The following DCLK3 variants were observed in gnomAD, a reference collection of about 807,000 sequenced individuals.
The protein encoded by DCLK3 is serine/threonine-protein kinase DCLK3.
Under a neutral mutation model 46.4 loss-of-function variants are expected in DCLK3, and 30 were observed. The ratio of observed to expected loss-of-function variants is 0.65; its 90% CI spans 0.48 to 0.88. The LOEUF is 0.88. Among genes scored for constraint, DCLK3 ranks in the 40% least tolerant of loss-of-function variants. DCLK3 has a pLI of 0.00. For missense variants in DCLK3, 846 were observed against 907.1 expected (o/e 0.93, Z 0.87); for synonymous variants, 401 against 339.2 (o/e 1.18, Z -2.00).
intron 2 of DCLK3, among the ~76,000 whole-genome samples, chr3:36,727,065 T>C (rs1353933410): frequency 1.3e-5 from 2 of 152,068 alleles, no homozygotes; most frequent in Admixed American, 6.6e-5. Context: ...TGTGGATCAC[T>C]TGAGGTCAGG....
intron 1 of DCLK3, 114 bp from the exon 2 acceptor site, chr3:36,739,198 G>A (rs1163364185): frequency 2.5e-6 from 1 of 396,562 alleles, no homozygotes; most frequent in Non-Finnish European, 4.4e-6. Flanking sequence ...TTATAAGTGT[G>A]GTTCCTGAGA....
chr3:36,745,923 G>A (rs148424112), intron 1 of DCLK3, among the ~76,000 whole-genome samples: 11 of 152,286 alleles, frequency 7.2e-5, no homozygotes, highest in East Asian at 1.9e-4. Context: ...CTACTGTTTC[G>A]TAACTCAGAA....
intron 1 of DCLK3, among the ~76,000 whole-genome samples, chr3:36,747,911 G>A (rs1242199919): frequency 1.3e-5 from 2 of 152,178 alleles, no homozygotes; most frequent in Admixed American, 6.5e-5. Context: ...ACCCTCAGGT[G>A]GTGTGATGCA....
At chr3:36,731,203 A>T (rs1236036567) in intron 2 of DCLK3, among the ~76,000 whole-genome samples, 4 of 151,954 alleles carry the variant, frequency 2.6e-5, no homozygotes, top group Non-Finnish European at 5.9e-5. Flanking sequence ...TGAACTTGAT[A>T]GCCTCATATT....
intron 2 of DCLK3, among the ~76,000 whole-genome samples, chr3:36,730,789 T>C (rs1329175893): frequency 1.3e-5 from 2 of 151,716 alleles, no homozygotes; most frequent in East Asian, 3.9e-4. Flanking sequence ...TTTTTTTTAA[T>C]AAGGTGGTTA....
chr3:36,720,699 G>A (rs1701044214), intron 3 of DCLK3, among the ~76,000 whole-genome samples: 2 of 152,008 alleles, frequency 1.3e-5, no homozygotes, highest in Admixed American at 6.6e-5. Context: ...TACAGACAGG[G>A]TTTCACCATG....
intron 1 of DCLK3, among the ~76,000 whole-genome samples, chr3:36,745,208 T>G (rs1701383295): frequency 6.6e-6 from 1 of 152,184 alleles, no homozygotes; most frequent in Non-Finnish European, 1.5e-5. Context: ...TTTTATATTG[T>G]CTTTTTAAAT....
chr3:36,755,739 C>T (rs979298031), intron 1 of DCLK3, among the ~76,000 whole-genome samples: 2 of 152,118 alleles, frequency 1.3e-5, no homozygotes, highest in Admixed American at 6.5e-5. Context: ...ACCCAAAAAA[C>T]GACAGTGTGA....
At chr3:36,726,794 T>G (rs926523439) in intron 2 of DCLK3, among the ~76,000 whole-genome samples, 2 of 152,160 alleles carry the variant, frequency 1.3e-5, no homozygotes, top group Non-Finnish European at 2.9e-5. Flanking sequence ...AGTCTGCATA[T>G]AGAAACTGAC....
chr3:36,720,568 G>A (rs772252658), intron 3 of DCLK3, among the ~76,000 whole-genome samples: 15 of 144,478 alleles, frequency 1.0e-4, no homozygotes, highest in Non-Finnish European at 1.9e-4. Context: ...GCAATGGCAC[G>A]ATCTTGGCTC....
intron 2 of DCLK3, among the ~76,000 whole-genome samples, chr3:36,733,955 T>G (rs1366984029): frequency 1.3e-5 from 2 of 152,206 alleles, no homozygotes; most frequent in Admixed American, 1.3e-4. Flanking sequence ...AAAAGTTAGT[T>G]CTGACATAAT....
chr3:36,750,596 A>G (rs1030019473), intron 1 of DCLK3, among the ~76,000 whole-genome samples: 1 of 152,186 alleles, frequency 6.6e-6, no homozygotes, highest in Non-Finnish European at 1.5e-5. Flanking sequence ...CAAAAGTAAC[A>G]CCACAGATCC....
chr3:36,743,903 C>T (rs1455226007), intron 1 of DCLK3, among the ~76,000 whole-genome samples: 3 of 152,186 alleles, frequency 2.0e-5, no homozygotes, highest in Admixed American at 6.5e-5. Context: ...CCCATCTCTA[C>T]TCCCAAACCT....
rs190703666 is a variant in DCLK3 at position 36,739,600 on chromosome 3, C to T, written c.83-516G>A. 5.0e-4 allele frequency among the ~76,000 whole-genome samples: 76 copies of T among 152,318 alleles called. 1 individual carries two copies. The highest frequency in any genetic ancestry group is 3.4e-3 in the Middle Eastern group (1 of 294). On this transcript the variant is annotated intron_variant, in intron 1 of 4. Transcript: ENST00000636136. ...CCATGTAAGATGGGACTTGCCCTTC[C>T]TTGCCTTCCGCCATGATTGTGAGGC...
At chr3:36,735,921 G>A (rs1559390297) in intron 2 of DCLK3, among the ~76,000 whole-genome samples, 1 of 152,218 alleles carries the variant, frequency 6.6e-6, no homozygotes, top group Non-Finnish European at 1.5e-5. Flanking sequence ...CAAAGTCCAT[G>A]CTGTCATGGA....
chr3:36,760,404 C>T (rs954637289), intron 1 of DCLK3, among the ~76,000 whole-genome samples: 1 of 150,102 alleles, frequency 6.7e-6, no homozygotes, highest in Non-Finnish European at 1.5e-5. Context: ...CATTTTCTCA[C>T]TCATAGGTGG....
intron 1 of DCLK3, among the ~76,000 whole-genome samples, chr3:36,749,348 T>C (rs1226328299): frequency 6.6e-6 from 1 of 152,212 alleles, no homozygotes; most frequent in East Asian, 1.9e-4. Context: ...TCCTTGGTTA[T>C]CAAACCCTAG....
At chr3:36,751,232 C>T (rs1236495509) in intron 1 of DCLK3, among the ~76,000 whole-genome samples, 1 of 152,052 alleles carries the variant, frequency 6.6e-6, no homozygotes, top group Non-Finnish European at 1.5e-5. Flanking sequence ...GGTACCAACA[C>T]CCTGATGAAG....
At chr3:36,729,420 T>G (rs999509099) in intron 2 of DCLK3, among the ~76,000 whole-genome samples, 1 of 152,208 alleles carries the variant, frequency 6.6e-6, no homozygotes, top group African/African-American at 2.4e-5. Context: ...TTGCTTTACA[T>G]GGCACTGTAA....
Sources: allele counts gnomAD v4.1 joint callset (sites outside exome capture counted in the v4.1 genomes callset), GRCh38; gene constraint gnomAD v4.1.1; transcripts MANE v1.5; gene names NCBI Gene and HGNC (gene_info 2026-07-23, HGNC 2026-07-21).